Variants in ARPP21 observed in about 807,000 individuals in gnomAD.
The protein encoded by ARPP21 is cAMP-regulated phosphoprotein 21.
Under a neutral mutation model 113.2 loss-of-function variants are expected in ARPP21, and 69 were observed. The observed-to-expected ratio is 0.61, with a 90% CI of 0.50 to 0.74. The LOEUF (loss-of-function observed/expected upper bound fraction) is 0.74. ARPP21 is among the 30% of genes least tolerant of loss of function. The pLI, the probability that ARPP21 is intolerant of heterozygous loss-of-function variation, is 0.00. For synonymous variants in ARPP21, 368 were observed against 375.5 expected (o/e 0.98, Z 0.23); for missense variants, 1,070 against 1,037.4 (o/e 1.03, Z -0.43).
chr3:35,684,558 G>T, intron 5 of ARPP21: 1 of 985,520 alleles, frequency 1.0e-6, no homozygotes, highest in Non-Finnish European at 1.2e-6. Flanking sequence ...TCTTGCTGCT[G>T]AAATTGTACT....
At chr3:35,728,660 A>ACAAATCATGTGT (rs1184980095) in intron 14 of ARPP21, among the ~76,000 whole-genome samples, 5 of 152,040 alleles carry the variant, frequency 3.3e-5, no homozygotes, top group African/African-American at 1.2e-4. Flanking sequence ...TGTCTCCCTG[A>ACAAATCATGTGT]CACTCAATCA....
At chr3:35,655,050 T>G in intron 1 of ARPP21, among the ~76,000 whole-genome samples, 1 of 152,052 alleles carries the variant, frequency 6.6e-6, no homozygotes, top group Admixed American at 6.6e-5. Context: ...TTTATATCAA[T>G]ATATTTTACA....
intron 9 of ARPP21, among the ~76,000 whole-genome samples, chr3:35,692,602 C>G (rs976608600): frequency 2.0e-5 from 3 of 151,572 alleles, no homozygotes; most frequent in Admixed American, 2.0e-4. Context: ...TTAACTTACA[C>G]CAATTTTGCA....
At chr3:35,761,956 T>C (rs1025401208) in intron 19 of ARPP21, among the ~76,000 whole-genome samples, 3 of 152,126 alleles carry the variant, frequency 2.0e-5, no homozygotes, top group Non-Finnish European at 2.9e-5. Context: ...ACTGAAACCG[T>C]TGATGCCATC....
At chr3:35,692,145 T>C (rs1345832396) in intron 9 of ARPP21, among the ~76,000 whole-genome samples, 1 of 151,660 alleles carries the variant, frequency 6.6e-6, no homozygotes, top group Non-Finnish European at 1.5e-5. Context: ...ATTACTTATA[T>C]ATCTGCAGGA....
rs183026807 is a variant in ARPP21, at chr3:35,722,704, T to C, written c.1225+870T>C. 2.9e-4 allele frequency among the ~76,000 whole-genome samples: 44 copies of C among 152,278 alleles called. No homozygotes were observed. The East Asian group carries it at 8.1e-3, about 28-fold the overall frequency. Reference sequence around the variant, plus strand: ...TGAACAGTCTTTGGAAGGTGAGTGATAATGAGAGATCTAGGAGAGCCATTA... The same window carrying C: ...TGAACAGTCTTTGGAAGGTGAGTGACAATGAGAGATCTAGGAGAGCCATTA... On this transcript the variant is annotated intron_variant, in intron 14 of 20. Transcript: ENST00000684406.
At chr3:35,763,057 TAA>T (rs1274510641) in intron 19 of ARPP21, among the ~76,000 whole-genome samples, 2 of 152,074 alleles carry the variant, frequency 1.3e-5, no homozygotes, top group Non-Finnish European at 2.9e-5. Flanking sequence ...ATGGGGTACA[TAA>T]ATATAGTATC....
intron 12 of ARPP21, 153 bp downstream of exon 12, chr3:35,715,629 T>G: frequency 2.0e-6 from 1 of 512,622 alleles, no homozygotes. Context: ...ATATGTTATT[T>G]AACACATCTA....
chr3:35,737,476 A>G (rs927533678), intron 16 of ARPP21, 114 bp downstream of exon 16: 5 of 648,610 alleles, frequency 7.7e-6, no homozygotes, highest in East Asian at 3.0e-5. Flanking sequence ...AAGCCTCACA[A>G]ATAAAACCTG....
intron 19 of ARPP21, among the ~76,000 whole-genome samples, chr3:35,752,338 G>C (rs576280210): frequency 6.6e-5 from 10 of 152,176 alleles, no homozygotes; most frequent in Admixed American, 2.0e-4. Context: ...AACGATGTAT[G>C]TTTAAAGAGT....
chr3:35,714,043 T>C (rs1460168429), intron 11 of ARPP21, among the ~76,000 whole-genome samples: 1 of 152,224 alleles, frequency 6.6e-6, no homozygotes, highest in Non-Finnish European at 1.5e-5. Flanking sequence ...AAAGAGCCCT[T>C]CATAGGCATA....
At chr3:35,673,495 A>C (rs914917187) in intron 1 of ARPP21, among the ~76,000 whole-genome samples, 2 of 152,010 alleles carry the variant, frequency 1.3e-5, no homozygotes, top group Non-Finnish European at 2.9e-5. Flanking sequence ...TGGTAATAAT[A>C]AATCTGAAAA....
chr3:35,721,461 G>A, intron 13 of ARPP21, 144 bp from the exon 14 acceptor site: 1 of 611,966 alleles, frequency 1.6e-6, no homozygotes, highest in Admixed American at 2.9e-5. Flanking sequence ...TGTAACACTG[G>A]GAGGCAACTG....
intron 9 of ARPP21, among the ~76,000 whole-genome samples, chr3:35,700,343 T>C (rs2085874740): frequency 6.6e-6 from 1 of 151,774 alleles, no homozygotes; most frequent in Non-Finnish European, 1.5e-5. Flanking sequence ...AAACTATTGC[T>C]ATTTCAAATA....
At chr3:35,749,942 C>T (rs984451204) in intron 19 of ARPP21, among the ~76,000 whole-genome samples, 1 of 151,870 alleles carries the variant, frequency 6.6e-6, no homozygotes, top group South Asian at 2.1e-4. Context: ...TTTAACTTCT[C>T]TCTTTTTATT....
intron 19 of ARPP21, among the ~76,000 whole-genome samples, chr3:35,750,402 T>C (rs2151058248): frequency 6.6e-6 from 1 of 152,268 alleles, no homozygotes; most frequent in African/African-American, 2.4e-5. Context: ...TACTGATTCT[T>C]GATTGATTCT....
At chr3:35,659,303 A>AT (rs1365059106) in intron 1 of ARPP21, among the ~76,000 whole-genome samples, 1 of 152,180 alleles carries the variant, frequency 6.6e-6, no homozygotes, top group Non-Finnish European at 1.5e-5. Context: ...ACAAGCTCAG[A>AT]TTTTTTGGTT....
At chr3:35,699,278 G>A (rs1041406774) in intron 9 of ARPP21, among the ~76,000 whole-genome samples, 1 of 151,522 alleles carries the variant, frequency 6.6e-6, no homozygotes, top group Admixed American at 6.6e-5. Context: ...TCCTCAATCT[G>A]CATCTTTGCT....
At chr3:35,682,764 T>TTCTC in intron 3 of ARPP21, 84 bp from the exon 4 acceptor site, 2 of 1,195,554 alleles carry the variant, frequency 1.7e-6, no homozygotes, top group African/African-American at 1.6e-5. Context: ...CTCTCTTTCT[T>TTCTC]TCTCTCTCTC....
Sources: gnomAD v4.1 joint callset for allele counts (sites outside exome capture counted in the v4.1 genomes callset) on GRCh38, gnomAD v4.1.1 for gene constraint, MANE v1.5 for transcripts, NCBI Gene and HGNC (gene_info 2026-07-23, HGNC 2026-07-21) for gene names.